The following TRDN variants were observed in gnomAD, a reference collection of about 807,000 sequenced individuals.
The protein encoded by TRDN is triadin in skeletal muscle.
A neutral mutation model predicts 149.7 loss-of-function variants in TRDN; 161 were observed. The observed-to-expected ratio is 1.08, with a 90% confidence interval of 0.95 to 1.23. TRDN has a LOEUF of 1.23. TRDN is among the 50% of genes most tolerant of loss of function. TRDN has a pLI of 0.00. For synonymous variants in TRDN, 294 were observed against 250.5 expected, an observed-to-expected ratio of 1.17 and a Z score of -1.64; for missense variants, 896 against 823.5, an observed-to-expected ratio of 1.09 and a Z score of -1.08.
intron 24 of TRDN, among the ~76,000 whole-genome samples, chr6:123,312,128 T>C (rs1778847962): frequency 6.6e-6 from 1 of 151,960 alleles, no homozygotes; most frequent in South Asian, 2.1e-4. Context: ...TAACTTATTT[T>C]ACAACAGGGA....
intron 24 of TRDN, among the ~76,000 whole-genome samples, chr6:123,310,897 T>A (rs907348515): frequency 2.0e-5 from 3 of 151,970 alleles, no homozygotes; most frequent in Non-Finnish European, 4.4e-5. Flanking sequence ...AAGGGACAAG[T>A]TAACTCTACT....
chr6:123,267,733 T>C lies in TRDN; in HGVS notation c.1757A>G (p.Glu586Gly), dbSNP rs1339080777. The C allele has an allele frequency of 6.3e-7, 1 of 1,580,788 alleles. No individual in the cohort carries two copies. Among genetic ancestry groups the C allele is most frequent in the Non-Finnish European group, 8.6e-7 (1 of 1,162,590 alleles). Reference sequence around the variant, plus strand: ...TGTTTTTATAGATGGAGGTTCTCTTTCTCGATGTTCAGCTTTTTCTAGAGA... The same window carrying C: ...TGTTTTTATAGATGGAGGTTCTCTTCCTCGATGTTCAGCTTTTTCTAGAGA... ...PKPTKKAEHR[E>G]REPPSIKTDK... Residue 586 changes from glutamate to glycine, a missense_variant, in exon 32 of 41, where the codon GAA (glutamate) becomes GGA (glycine). Physicochemically the swap from Glu to Gly is moderately conservative, Grantham distance 98. Coordinates refer to ENST00000334268, the MANE Select transcript of TRDN (RefSeq NM_006073.4).
intron 23 of TRDN, among the ~76,000 whole-genome samples, chr6:123,326,061 T>A (rs980916254): frequency 2.2e-4 from 33 of 152,128 alleles, no homozygotes; most frequent in Admixed American, 2.2e-3. Flanking sequence ...GGACTTCAAG[T>A]TTGTTGGTAG....
chr6:123,621,598 ACT>A (rs1785386730), intron 1 of TRDN, among the ~76,000 whole-genome samples: 5 of 152,020 alleles, frequency 3.3e-5, no homozygotes, highest in Admixed American at 2.6e-4. Flanking sequence ...AAAATAACAA[ACT>A]CTAGCTACAT....
intron 38 of TRDN, among the ~76,000 whole-genome samples, chr6:123,249,060 A>C (rs1286364050): frequency 6.6e-6 from 1 of 152,156 alleles, no homozygotes; most frequent in Non-Finnish European, 1.5e-5. Context: ...AGGATGGCTC[A>C]ACATGTGCAA....
At chr6:123,381,934 G>A (rs1781734902) in intron 15 of TRDN, among the ~76,000 whole-genome samples, 184 bp downstream of exon 15, 1 of 149,174 alleles carries the variant, frequency 6.7e-6, no homozygotes, top group Non-Finnish European at 1.5e-5. Context: ...TCTCATAGCA[G>A]TATTGTCAGA....
At chr6:123,309,879 T>C (rs1463170750) in intron 24 of TRDN, among the ~76,000 whole-genome samples, 1 of 152,002 alleles carries the variant, frequency 6.6e-6, no homozygotes, top group Non-Finnish European at 1.5e-5. Context: ...ATAAAATTTG[T>C]CTAAACTTCC....
chr6:123,503,155 T>G (rs552773248), intron 8 of TRDN: 7 of 985,160 alleles, frequency 7.1e-6, no homozygotes, highest in African/African-American at 5.2e-5. Flanking sequence ...ATTTAGTCAA[T>G]GGAAACTGAA....
intron 1 of TRDN, among the ~76,000 whole-genome samples, chr6:123,631,303 AG>A (rs1785990959): frequency 1.3e-5 from 2 of 151,982 alleles, no homozygotes; most frequent in Non-Finnish European, 2.9e-5. Flanking sequence ...TCCAAGCCAT[AG>A]CACTTTTTAG....
At chr6:123,259,503 T>C (rs1776683340) in intron 35 of TRDN, 121 bp downstream of exon 35, 2 of 668,318 alleles carry the variant, frequency 3.0e-6, no homozygotes, top group African/African-American at 3.7e-5. Context: ...ATATGTGCTA[T>C]AAAATCAGTG....
chr6:123,392,968 T>C (rs1772561387), intron 13 of TRDN, among the ~76,000 whole-genome samples: 1 of 152,038 alleles, frequency 6.6e-6, no homozygotes, highest in Non-Finnish European at 1.5e-5. Flanking sequence ...TCTTCTCCAG[T>C]AAACATTGTA....
chr6:123,516,256 A>T, intron 5 of TRDN, 50 bp from the exon 6 acceptor site: 1 of 1,413,142 alleles, frequency 7.1e-7, no homozygotes. Flanking sequence ...GGAATAAATG[A>T]GGAGATGTTT....
chr6:123,630,827 C>T (rs139390324), intron 1 of TRDN, among the ~76,000 whole-genome samples: 159 of 152,056 alleles, frequency 1.0e-3, no homozygotes, highest in African/African-American at 3.7e-3. Context: ...AAAACATAAA[C>T]TTAATTTGCC....
At chr6:123,623,299 A>G (rs1347197319) in intron 1 of TRDN, among the ~76,000 whole-genome samples, 2 of 152,106 alleles carry the variant, frequency 1.3e-5, no homozygotes, top group Non-Finnish European at 2.9e-5. Flanking sequence ...AGAATCTTAT[A>G]TATAAAATTG....
In TRDN at chr6:123,235,837, A is replaced by C. The variant is rs191762482; in HGVS notation, c.1976-11706T>G. 1.3e-4 allele frequency among the ~76,000 whole-genome samples: 20 copies of C among 152,236 alleles called. No individual in the cohort carries two copies. The East Asian group carries it at 1.9e-3, about 15-fold the overall frequency. ...TTGGAGCTTAGCTTCAGAAGAAATA[A>C]CGTATTTGAATTCATATAACTGCTG... On this transcript the variant is annotated intron_variant, in intron 38 of 40. Coordinates refer to ENST00000334268, the MANE Select transcript of TRDN (RefSeq NM_006073.4).
chr6:123,501,274 A>G (rs1778686734), intron 8 of TRDN, among the ~76,000 whole-genome samples: 1 of 152,104 alleles, frequency 6.6e-6, no homozygotes, highest in Non-Finnish European at 1.5e-5. Context: ...CCAAGTGAGT[A>G]AAGGACCTAT....
chr6:123,267,800 A>C, intron 31 of TRDN, 49 bp from the exon 32 acceptor site: 4 of 1,439,480 alleles, frequency 2.8e-6, no homozygotes, highest in Non-Finnish European at 3.8e-6. Flanking sequence ...TTCTTTGGCA[A>C]ATATTTCTTA....
intron 23 of TRDN, among the ~76,000 whole-genome samples, chr6:123,323,839 C>G (rs1034948616): frequency 6.6e-6 from 1 of 152,180 alleles, no homozygotes; most frequent in African/African-American, 2.4e-5. Flanking sequence ...TCTGTTCTTT[C>G]TTTTATGCCT....
At chr6:123,405,674 T>A (rs770680572) in intron 12 of TRDN, among the ~76,000 whole-genome samples, 4 of 152,174 alleles carry the variant, frequency 2.6e-5, no homozygotes, top group Non-Finnish European at 5.9e-5. Context: ...AAAAGTTTAG[T>A]AATTCTCATC....
Sources: allele counts gnomAD v4.1 joint callset (sites outside exome capture counted in the v4.1 genomes callset), GRCh38; gene constraint gnomAD v4.1.1; transcripts MANE v1.5; gene names NCBI Gene and HGNC (gene_info 2026-07-23, HGNC 2026-07-21).